Variants in KLHL2 observed in about 807,000 individuals in gnomAD.
KLHL2 encodes kelch like family member 2.
A neutral mutation model predicts 75.8 loss-of-function variants in KLHL2; 15 were observed. The ratio of observed to expected loss-of-function variants is 0.20; its 90% CI spans 0.13 to 0.30. KLHL2 has a LOEUF of 0.30. Among genes scored for constraint, KLHL2 ranks in the 10% least tolerant of loss-of-function variants. The pLI, the probability that KLHL2 is intolerant of heterozygous loss-of-function variation, is 1.00. For missense variants in KLHL2, 381 were observed against 741.0 expected (o/e 0.51, Z 5.64); for synonymous variants, 214 against 251.9 (o/e 0.85, Z 1.42).
chr4:165,284,845 A>G (rs1374363562), intron 5 of KLHL2, among the ~76,000 whole-genome samples: 1 of 152,222 alleles, frequency 6.6e-6, no homozygotes, highest in East Asian at 1.9e-4. Flanking sequence ...AGGCCTCACA[A>G]TCATGGTGGA....
chr4:165,228,023 C>T (rs1578993342), intron 2 of KLHL2, among the ~76,000 whole-genome samples: 3 of 152,026 alleles, frequency 2.0e-5, no homozygotes, highest in Non-Finnish European at 1.5e-5. Context: ...TCAGCCTCCT[C>T]AGTAGCTGCG....
chr4:165,235,601 T>C (rs1739277644), intron 3 of KLHL2, among the ~76,000 whole-genome samples: 1 of 152,216 alleles, frequency 6.6e-6, no homozygotes, highest in African/African-American at 2.4e-5. Context: ...ATGTCAGACA[T>C]GTTATACAGA....
intron 4 of KLHL2, among the ~76,000 whole-genome samples, chr4:165,242,919 A>G (rs1184283987): frequency 2.0e-5 from 3 of 152,212 alleles, no homozygotes; most frequent in Admixed American, 1.3e-4. Flanking sequence ...TAAGCATTTT[A>G]TATGTAGCTC....
Position 165,305,475 on chromosome 4 carries a change from A to C in KLHL2, c.922-133A>C, listed in dbSNP as rs1745659678. 15 of 692,638 alleles carry C rather than the reference A, an allele frequency of 2.2e-5. No individual in the cohort carries two copies. In the South Asian group the frequency reaches 2.6e-4, roughly 12 times the overall value. 42.9% of individuals were successfully genotyped at this position (692,638 alleles called of 1,614,324 possible). On this transcript the variant is annotated intron_variant, in intron 8 of 14. Transcript: ENST00000226725. ...TTTATGAAATGTTGGTTAGGTGGTT[A>C]GATGTTTGTATTCGCCAGCTCACCC...
At chr4:165,241,386 GT>G (rs1739806282) in intron 4 of KLHL2, among the ~76,000 whole-genome samples, 1 of 152,264 alleles carries the variant, frequency 6.6e-6, no homozygotes, top group South Asian at 2.1e-4. Context: ...GTAAAGTGCT[GT>G]CCACCTTAAA....
In KLHL2 at chr4:165,213,467, C is replaced by A. The variant is rs1737336295; in HGVS notation, c.26+5565C>A. On this transcript the variant is annotated intron_variant, in intron 1 of 14. Transcript: ENST00000226725. ...AGCCTTTTCCTATGCTTCTCTTCTT[C>A]TCTCCCCTGTTACAACAACTTGAAG... Among the ~76,000 whole-genome samples, 3 of 152,230 alleles carry A rather than the reference C, an allele frequency of 2.0e-5. No homozygotes were observed. In the South Asian group the frequency reaches 6.2e-4, roughly 31 times the overall value.
chr4:165,311,972 G>A (rs1746237014), intron 11 of KLHL2, among the ~76,000 whole-genome samples: 1 of 152,080 alleles, frequency 6.6e-6, no homozygotes, highest in African/African-American at 2.4e-5. Flanking sequence ...CCATGGACAG[G>A]GGTGGGTTGG....
intron 4 of KLHL2, among the ~76,000 whole-genome samples, chr4:165,255,395 G>A (rs1427224365): frequency 6.6e-6 from 1 of 152,080 alleles, no homozygotes; most frequent in Non-Finnish European, 1.5e-5. Context: ...GTGGGGAGGG[G>A]GAGGTTGTTT....
intron 4 of KLHL2, among the ~76,000 whole-genome samples, chr4:165,257,888 G>A (rs28594891): frequency 0.013 from 1,999 of 151,876 alleles, 48 homozygotes; most frequent in African/African-American, 0.043. Context: ...AGTGCTGACA[G>A]CAGTAGGTGC....
intron 4 of KLHL2, among the ~76,000 whole-genome samples, chr4:165,242,658 G>A (rs1461481687): frequency 2.6e-5 from 4 of 151,794 alleles, no homozygotes; most frequent in East Asian, 1.9e-4. Context: ...CATCACGCCC[G>A]GCTAATTTTT....
At chr4:165,246,423 TA>T (rs1194902708) in intron 4 of KLHL2, among the ~76,000 whole-genome samples, 1 of 151,904 alleles carries the variant, frequency 6.6e-6, no homozygotes, top group East Asian at 1.9e-4. Context: ...TCCCATCTGC[TA>T]GCTGGAGGAT....
chr4:165,209,251 C>G (rs1324574314), intron 1 of KLHL2: 1 of 152,240 alleles, frequency 6.6e-6, no homozygotes, highest in Non-Finnish European at 1.5e-5. Context: ...TGGTTCACAT[C>G]AGCAGCATGA....
intron 5 of KLHL2, among the ~76,000 whole-genome samples, chr4:165,269,474 G>T (rs1204395588): frequency 6.6e-6 from 1 of 151,926 alleles, no homozygotes; most frequent in East Asian, 1.9e-4. Context: ...CATGTTTAGT[G>T]CTTCCTTCAG....
At chr4:165,231,843 A>G (rs1277618774) in intron 3 of KLHL2, among the ~76,000 whole-genome samples, 3 of 152,188 alleles carry the variant, frequency 2.0e-5, no homozygotes, top group African/African-American at 7.2e-5. Flanking sequence ...CTGTTTTTCC[A>G]AAGTTACTGT....
intron 1 of KLHL2, among the ~76,000 whole-genome samples, chr4:165,210,372 A>G (rs191534856): frequency 3.3e-5 from 5 of 152,196 alleles, no homozygotes; most frequent in Admixed American, 3.3e-4. Context: ...TGTACCCACC[A>G]TTCCTGGTTC....
At chr4:165,263,444 T>G (rs1405837092) in intron 5 of KLHL2, 85 bp downstream of exon 5, 23 of 1,555,988 alleles carry the variant, frequency 1.5e-5, no homozygotes, top group Non-Finnish European at 1.7e-5. Flanking sequence ...GAAAGTCATG[T>G]CATATTTCTG....
At chr4:165,246,893 T>A (rs1740306440) in intron 4 of KLHL2, among the ~76,000 whole-genome samples, 2 of 152,072 alleles carry the variant, frequency 1.3e-5, no homozygotes, top group African/African-American at 2.4e-5. Flanking sequence ...AGAGGTAGTG[T>A]AGACAGAGAA....
chr4:165,232,878 C>CTTTTTTT (rs912954260), intron 3 of KLHL2, among the ~76,000 whole-genome samples: 2 of 52,570 alleles, frequency 3.8e-5, no homozygotes, highest in Non-Finnish European at 3.7e-5. Context: ...CCCTGTTAAG[C>CTTTTTTT]TTTTTTTTTT....
chr4:165,284,110 G>T (rs1207453596), intron 5 of KLHL2, among the ~76,000 whole-genome samples: 1 of 152,182 alleles, frequency 6.6e-6, no homozygotes, highest in Non-Finnish European at 1.5e-5. Context: ...GCCTGTGATG[G>T]AAGGGGCTGC....
Sources: allele counts gnomAD v4.1 joint callset (sites outside exome capture counted in the v4.1 genomes callset), GRCh38; gene constraint gnomAD v4.1.1; transcripts MANE v1.5; gene names NCBI Gene and HGNC (gene_info 2026-07-23, HGNC 2026-07-21).